Variants in AGBL4 observed in about 807,000 individuals in gnomAD.
AGBL4 encodes the protein cytosolic carboxypeptidase 6.
AGBL4 carries 58 observed loss-of-function variants against 66.4 expected under a neutral mutation model. The ratio of observed to expected loss-of-function variants is 0.87; its 90% confidence interval spans 0.71 to 1.09. AGBL4 has a LOEUF of 1.09. AGBL4 is among the 50% of genes least tolerant of loss of function. The pLI, the probability that AGBL4 is intolerant of heterozygous loss-of-function variation, is 0.00. For synonymous variants in AGBL4, 234 were observed against 222.9 expected, an observed-to-expected ratio of 1.05 and a Z score of -0.44; for missense variants, 579 against 631.0, an observed-to-expected ratio of 0.92 and a Z score of 0.88.
At chr1:49,613,030 C>T (rs1645182348) in intron 3 of AGBL4, among the ~76,000 whole-genome samples, 1 of 152,160 alleles carries the variant, frequency 6.6e-6, no homozygotes, top group African/African-American at 2.4e-5. Context: ...ACATATACAT[C>T]ATGGAATACT....
At chr1:49,131,517 A>T (rs1302100114) in intron 4 of AGBL4, among the ~76,000 whole-genome samples, 1 of 152,088 alleles carries the variant, frequency 6.6e-6, no homozygotes, top group Middle Eastern at 3.2e-3. Flanking sequence ...TCAGGCATGA[A>T]TACAACATAG....
chr1:49,114,273 G>A lies in AGBL4; in HGVS notation c.378-68473C>T, dbSNP rs370157646. On this transcript the variant is annotated intron_variant, in intron 4 of 13. Coordinates refer to ENST00000371839, the MANE Select transcript of AGBL4 (RefSeq NM_032785.4). The stretch of plus-strand genomic sequence containing the variant: ...TTGCACTTTTTATGTTATGGAGACA[G>A]CTTCTTTCTTTAAACCATATGAACC... Among the ~76,000 whole-genome samples, 5 of 152,172 alleles carry A rather than the reference G, an allele frequency of 3.3e-5. No homozygotes were observed. In the South Asian group the frequency reaches 8.3e-4, roughly 25 times the overall value.
intron 1 of AGBL4, among the ~76,000 whole-genome samples, chr1:49,874,493 G>C (rs928415440): frequency 6.6e-6 from 1 of 151,982 alleles, no homozygotes; most frequent in Non-Finnish European, 1.5e-5. Context: ...TGCTTAAAAG[G>C]GAAAGTGGCT....
intron 6 of AGBL4, among the ~76,000 whole-genome samples, chr1:48,691,337 A>T (rs569434696): frequency 6.6e-6 from 1 of 152,156 alleles, no homozygotes; most frequent in African/African-American, 2.4e-5. Flanking sequence ...CATACAGCAC[A>T]TCTCAATTGG....
At chr1:49,300,028 T>C (rs1230420873) in intron 3 of AGBL4, among the ~76,000 whole-genome samples, 1 of 152,196 alleles carries the variant, frequency 6.6e-6, no homozygotes, top group African/African-American at 2.4e-5. Context: ...AATTTGTTAA[T>C]AGTTTGTTTC....
At chr1:49,445,813 C>T (rs1646141721) in intron 3 of AGBL4, among the ~76,000 whole-genome samples, 1 of 151,814 alleles carries the variant, frequency 6.6e-6, no homozygotes, top group Non-Finnish European at 1.5e-5. Context: ...TTTTGTATCT[C>T]ACTTACCTTC....
intron 3 of AGBL4, among the ~76,000 whole-genome samples, chr1:49,317,552 T>C (rs1175794936): frequency 1.3e-5 from 2 of 151,626 alleles, no homozygotes; most frequent in Non-Finnish European, 2.9e-5. Context: ...TAAGAGGAGG[T>C]AGGAAATAGG....
At chr1:49,593,889 A>G (rs2124102767) in intron 3 of AGBL4, among the ~76,000 whole-genome samples, 1 of 152,300 alleles carries the variant, frequency 6.6e-6, no homozygotes, top group Admixed American at 6.5e-5. Context: ...AAATATAGAG[A>G]GTATGCTAAT....
At chr1:49,231,818 T>C (rs943649020) in intron 4 of AGBL4, among the ~76,000 whole-genome samples, 2 of 152,208 alleles carry the variant, frequency 1.3e-5, no homozygotes. Context: ...CAAGTACCCA[T>C]ACAGTCATTC....
chr1:49,023,046 T>C (rs1320764765), intron 5 of AGBL4, among the ~76,000 whole-genome samples: 1 of 152,162 alleles, frequency 6.6e-6, no homozygotes, highest in Non-Finnish European at 1.5e-5. Context: ...ATTGAAAGCA[T>C]AGTAAAAGGG....
chr1:48,638,721 A>C (rs1292338843), intron 8 of AGBL4, among the ~76,000 whole-genome samples: 2 of 152,330 alleles, frequency 1.3e-5, no homozygotes, highest in South Asian at 2.1e-4. Context: ...TGGACCATGA[A>C]TTCCTCAAGA....
chr1:49,369,182 G>A (rs1644294243), intron 3 of AGBL4, among the ~76,000 whole-genome samples: 1 of 152,174 alleles, frequency 6.6e-6, no homozygotes, highest in Non-Finnish European at 1.5e-5. Flanking sequence ...CTGAAGTCAA[G>A]ACTACTGCTC....
chr1:49,104,623 G>A (rs185671992), intron 4 of AGBL4, among the ~76,000 whole-genome samples: 27 of 152,110 alleles, frequency 1.8e-4, no homozygotes, highest in Non-Finnish European at 2.6e-4. Flanking sequence ...TACTAAATTC[G>A]TCTGAATCCA....
chr1:49,867,478 A>T (rs1032645058), intron 1 of AGBL4, among the ~76,000 whole-genome samples: 3 of 141,040 alleles, frequency 2.1e-5, no homozygotes, highest in African/African-American at 7.8e-5. Context: ...TCCCAATGCT[A>T]TCCCTTCCCC....
chr1:49,083,483 C>A (rs1179938490), intron 4 of AGBL4, among the ~76,000 whole-genome samples: 1 of 152,240 alleles, frequency 6.6e-6, no homozygotes, highest in African/African-American at 2.4e-5. Flanking sequence ...CCCTGTGAAG[C>A]CAGGGCTGAA....
intron 2 of AGBL4, among the ~76,000 whole-genome samples, chr1:49,798,101 C>T (rs4926542): frequency 0.68 from 103,972 of 151,988 alleles, 36,464 homozygotes; most frequent in African/African-American, 0.78. Flanking sequence ...ATATTCTTGA[C>T]CAATAAAATG....
At chr1:48,772,269 G>C (rs990591502) in intron 6 of AGBL4, among the ~76,000 whole-genome samples, 5 of 152,230 alleles carry the variant, frequency 3.3e-5, no homozygotes, top group South Asian at 2.1e-4. Flanking sequence ...AGGAGGGAGA[G>C]AGTCTCTCTT....
intron 1 of AGBL4, among the ~76,000 whole-genome samples, chr1:49,906,116 C>CTGTGTGTGTGTGTGTGTGTG (rs59711282): frequency 6.8e-6 from 1 of 147,296 alleles, no homozygotes; most frequent in African/African-American, 2.5e-5. Flanking sequence ...AAACAGGACT[C>CTGTGTGTGTGTGTGTGTGTG]TGTGTGTGTG....
At chr1:49,377,478 A>T (rs965677855) in intron 3 of AGBL4, among the ~76,000 whole-genome samples, 1 of 152,106 alleles carries the variant, frequency 6.6e-6, no homozygotes, top group African/African-American at 2.4e-5. Context: ...CTTTAAGTAT[A>T]GTGCTCTTTT....
Sources: allele counts gnomAD v4.1 joint callset (sites outside exome capture counted in the v4.1 genomes callset), GRCh38; gene constraint gnomAD v4.1.1; transcripts MANE v1.5; gene names NCBI Gene and HGNC (gene_info 2026-07-23, HGNC 2026-07-21).